DSCAML1: variants seen among roughly 807,000 people sequenced by gnomAD.
The protein encoded by DSCAML1 is cell adhesion molecule DSCAML1.
Under a neutral mutation model 200.5 loss-of-function variants are expected in DSCAML1, and 38 were observed. That is an observed-to-expected ratio of 0.19 (90% CI 0.15 to 0.25). The LOEUF (loss-of-function observed/expected upper bound fraction) is 0.25, where lower values mean the gene tolerates loss of function less well. Among genes scored for constraint, DSCAML1 ranks in the 10% least tolerant of loss-of-function variants. DSCAML1 has a pLI of 1.00. For missense variants in DSCAML1, 2,223 were observed against 2,858.8 expected (o/e 0.78, Z 5.07); for synonymous variants, 1,215 against 1,165.0 (o/e 1.04, Z -0.87).
chr11:117,447,125 C>T (rs2048195660), intron 20 of DSCAML1, among the ~76,000 whole-genome samples: 1 of 152,040 alleles, frequency 6.6e-6, no homozygotes, highest in Non-Finnish European at 1.5e-5. Context: ...CCTGCCTCTA[C>T]AAAAATACAA....
chr11:117,767,670 C>G (rs1206898644), intron 3 of DSCAML1, among the ~76,000 whole-genome samples: 3 of 152,148 alleles, frequency 2.0e-5, no homozygotes, highest in Non-Finnish European at 2.9e-5. Flanking sequence ...ATGAGGGAAA[C>G]AGTAATTGCT....
At chr11:117,630,656 GC>G (rs376896862) in intron 3 of DSCAML1, among the ~76,000 whole-genome samples, 1 of 27,516 alleles carries the variant, frequency 3.6e-5, no homozygotes, top group Non-Finnish European at 7.3e-5. Flanking sequence ...GCATAAAGTG[GC>G]CAAAAAAAAA....
rs546371471 is a variant in DSCAML1 at position 117,727,821 on chromosome 11, C to T, written c.511+48970G>A. ...CTGGGGAGCTGTTGAGTAGAGCTTACTACCCATGATGATATCTGAGCCAAG... is the reference window on the plus strand; with the variant it reads ...CTGGGGAGCTGTTGAGTAGAGCTTATTACCCATGATGATATCTGAGCCAAG... On this transcript the variant is annotated intron_variant, in intron 3 of 32. Transcript: ENST00000651296. 4.2e-3 allele frequency among the ~76,000 whole-genome samples: 640 copies of T among 152,270 alleles called. 2 individuals are homozygous for T. Among genetic ancestry groups the T allele is most frequent in the Non-Finnish European group, 5.5e-3 (374 of 68,006 alleles).
At chr11:117,562,649 G>C (rs1483990218) in intron 3 of DSCAML1, among the ~76,000 whole-genome samples, 1 of 152,258 alleles carries the variant, frequency 6.6e-6, no homozygotes, top group Non-Finnish European at 1.5e-5. Flanking sequence ...AGCTCACAGA[G>C]TAGGCACCTT....
At chr11:117,749,256 C>A (rs772238858) in intron 3 of DSCAML1, among the ~76,000 whole-genome samples, 2 of 152,204 alleles carry the variant, frequency 1.3e-5, no homozygotes, top group Admixed American at 6.5e-5. Context: ...TGTGGCGGAG[C>A]TGTGCCTTCC....
chr11:117,689,002 C>A (rs116234179), intron 3 of DSCAML1, among the ~76,000 whole-genome samples: 2,848 of 152,222 alleles, frequency 0.019, 92 homozygotes, highest in African/African-American at 0.065. Flanking sequence ...GCAACAGAGA[C>A]CCCTTCCATG....
chr11:117,660,236 A>G (rs530752878), intron 3 of DSCAML1, among the ~76,000 whole-genome samples: 11 of 152,260 alleles, frequency 7.2e-5, no homozygotes, highest in African/African-American at 2.6e-4. Flanking sequence ...CCAGGTGGGG[A>G]GAAGAAAACC....
chr11:117,775,700 C>T (rs2055118324), intron 3 of DSCAML1, among the ~76,000 whole-genome samples: 2 of 151,974 alleles, frequency 1.3e-5, no homozygotes, highest in Admixed American at 6.6e-5. Context: ...AGGCTGATGC[C>T]CAGGCTCTAC....
intron 3 of DSCAML1, among the ~76,000 whole-genome samples, chr11:117,749,210 G>A (rs562448852): frequency 5.9e-5 from 9 of 152,232 alleles, no homozygotes; most frequent in Admixed American, 3.9e-4. Context: ...GCTTGAGCCG[G>A]GACGAGGGTT....
chr11:117,455,173 G>T (rs11606141), intron 19 of DSCAML1, among the ~76,000 whole-genome samples: 1 of 152,156 alleles, frequency 6.6e-6, no homozygotes, highest in African/African-American at 2.4e-5. Flanking sequence ...GCTGTCCTCC[G>T]CAAGAAGAGT....
In DSCAML1 at chr11:117,701,579, G is replaced by A. The variant is rs1022972650; in HGVS notation, c.511+75212C>T. Among the ~76,000 whole-genome samples, 169 of 152,198 alleles carry A rather than the reference G, an allele frequency of 1.1e-3. 1 individual carries two copies. The highest frequency in any genetic ancestry group is 4.0e-4 in the Non-Finnish European group (27 of 68,036). Reference sequence around the variant, plus strand: ...CGGCTGGGGAAGAGCCACGAGGGCTGTGCAAAGATCCCCTTCAGAAAGCCA... The same window carrying A: ...CGGCTGGGGAAGAGCCACGAGGGCTATGCAAAGATCCCCTTCAGAAAGCCA... On this transcript the variant is annotated intron_variant, in intron 3 of 32. Transcript: ENST00000651296.
Position 117,469,967 on chromosome 11 carries a change from G to A in DSCAML1, c.2967C>T (p.Pro989=), listed in dbSNP as rs753185703. 6.9e-6 allele frequency: 11 copies of A among 1,605,044 alleles called. No homozygotes were observed. The Admixed American group carries it at 8.4e-5, about 12-fold the overall frequency. ...ISTEEAAPDG[P]PMDVTLQPVT... ...CTGGCTGCAAGGTAACATCCATGGG[G>A]GGCCCATCGGGAGCTGAGCAGGGTA... The change falls in exon 16 of 33, where the codon CCC becomes CCT. Residue 989 remains proline, a synonymous_variant. Coordinates refer to ENST00000651296, the MANE Select transcript of DSCAML1 (RefSeq NM_020693.4). The surrounding 1 kb of genome is among the most constrained non-coding windows in gnomAD (Gnocchi z 4.1).
chr11:117,687,426 A>ATTTTAATTTTTTTTTTTTTTTTTTTTTTT (rs552784985), intron 3 of DSCAML1, among the ~76,000 whole-genome samples: 1 of 97,684 alleles, frequency 1.0e-5, no homozygotes, highest in African/African-American at 4.1e-5. Flanking sequence ...ATGCCTGGCT[A>ATTTTAATTTTTTTTTTTTTTTTTTTTTTT]TTTTTTTTTT....
At chr11:117,695,344 C>T (rs1251677477) in intron 3 of DSCAML1, among the ~76,000 whole-genome samples, 5 of 132,592 alleles carry the variant, frequency 3.8e-5, no homozygotes, top group Non-Finnish European at 6.2e-5. Flanking sequence ...TGCTAACCAA[C>T]CTGCAGAATA....
chr11:117,440,281 C>T (rs186916336), intron 21 of DSCAML1, among the ~76,000 whole-genome samples: 14 of 152,194 alleles, frequency 9.2e-5, no homozygotes, highest in Admixed American at 6.5e-4. Flanking sequence ...GGTGCAGGCA[C>T]GAGGAAGCCT....
At chr11:117,432,163 T>C (rs961176897) in intron 30 of DSCAML1, among the ~76,000 whole-genome samples, 189 bp downstream of exon 30, 1 of 152,194 alleles carries the variant, frequency 6.6e-6, no homozygotes, top group African/African-American at 2.4e-5. Flanking sequence ...AAGTTAGTGA[T>C]ACGCCCAAGG....
At position 117,787,493 on chromosome 11, in the gene DSCAML1, A is replaced by C. The variant is rs2055379613; in HGVS notation, c.47-6683T>G. Among the ~76,000 whole-genome samples the C allele has an allele frequency of 1.3e-5, 2 of 152,350 alleles. 1 individual carries two copies. ...AGAATCACCTGGAGAGCTTGTTAAA[A>C]ATGCAGAGCCTTAGATAACAGATTC... On this transcript the variant is annotated intron_variant, in intron 1 of 32. Transcript: ENST00000651296.
At chr11:117,708,688 A>G (rs142107069) in intron 3 of DSCAML1, among the ~76,000 whole-genome samples, 47 of 152,338 alleles carry the variant, frequency 3.1e-4, no homozygotes, top group African/African-American at 9.4e-4. Flanking sequence ...TGTCCTGAGA[A>G]AGGGTGTTCC....
chr11:117,532,409 G>T lies in DSCAML1; in HGVS notation c.625C>A (p.Arg209=). 6.2e-7 allele frequency: 1 copy of T among 1,614,072 alleles called. No homozygotes were observed. Among genetic ancestry groups the T allele is most frequent in the Non-Finnish European group, 8.5e-7 (1 of 1,179,976 alleles). Residue 209 remains arginine (R), a synonymous_variant, in exon 4 of 33, where the codon CGG becomes AGG. Transcript: ENST00000651296. ...GAGAGGCGTGCCCCATTGCTCTGCC[G>T]GGTCTCCCCGCTATACTTGTGCTTG... is the stretch of plus-strand genomic sequence containing the variant. The part of the protein sequence containing the change: ...ITKHKYSGET[R]QSNGARLSVT...
Sources: allele counts gnomAD v4.1 joint callset (sites outside exome capture counted in the v4.1 genomes callset), GRCh38; gene constraint gnomAD v4.1.1; non-coding constraint Gnocchi (gnomAD v3.1); transcripts MANE v1.5; gene names NCBI Gene and HGNC (gene_info 2026-07-23, HGNC 2026-07-21).